Variants in OR3A2 observed in about 807,000 individuals in gnomAD.
The protein encoded by OR3A2 is olfactory receptor 3A2.
For missense variants in OR3A2, 318 were observed against 392.8 expected, an observed-to-expected ratio of 0.81 and a Z score of 1.61; for synonymous variants, 126 against 159.3, an observed-to-expected ratio of 0.79 and a Z score of 1.57.
At chr17:3,320,749 G>C (rs1195390072) in intron 3 of OR3A2, among the ~76,000 whole-genome samples, 1 of 151,886 alleles carries the variant, frequency 6.6e-6, no homozygotes, top group East Asian at 1.9e-4. Context: ...TCTCTGTTTT[G>C]GTACTAGTAC....
chr17:3,343,548 T>G (rs1453875013), intron 2 of OR3A2, among the ~76,000 whole-genome samples: 1 of 152,194 alleles, frequency 6.6e-6, no homozygotes. Flanking sequence ...GCATCCATTT[T>G]AGAAAACAGA....
intron 3 of OR3A2, among the ~76,000 whole-genome samples, chr17:3,331,321 G>T (rs931967937): frequency 1.4e-4 from 22 of 151,996 alleles, no homozygotes; most frequent in African/African-American, 5.1e-4. Context: ...TTCCAACTTG[G>T]TTCCATTCTC....
At chr17:3,280,737 C>A (rs2048772133) in intron 1 of OR3A2, among the ~76,000 whole-genome samples, 1 of 152,120 alleles carries the variant, frequency 6.6e-6, no homozygotes, top group Admixed American at 6.6e-5. Context: ...GTGATGATTG[C>A]CTGAGCTGGG....
chr17:3,285,945 TG>T (rs1462324001), upstream of OR3A2, among the ~76,000 whole-genome samples: 1 of 152,226 alleles, frequency 6.6e-6, no homozygotes, highest in Non-Finnish European at 1.5e-5. Flanking sequence ...CTCTAAGTTC[TG>T]GGGTACATGT....
chr17:3,292,074 T>C (rs111558590), intron 3 of OR3A2: 3 of 1,613,820 alleles, frequency 1.9e-6, no homozygotes, highest in Non-Finnish European at 2.5e-6. Flanking sequence ...GCCACAGAAG[T>C]TGAGCGTGGA....
chr17:3,374,107 G>A (rs1305690805), intron 2 of OR3A2, among the ~76,000 whole-genome samples: 1 of 152,176 alleles, frequency 6.6e-6, no homozygotes, highest in African/African-American at 2.4e-5. Flanking sequence ...TTTGTTCAAG[G>A]AGGCTAAAAG....
intron 3 of OR3A2, chr17:3,309,935 G>A (rs181797247): frequency 1.5e-5 from 3 of 199,230 alleles, no homozygotes; most frequent in African/African-American, 7.0e-5. Flanking sequence ...GGGATCTTGT[G>A]TACCTCAACT....
At position 3,355,244 on chromosome 17, in the gene OR3A2, T is replaced by C. The variant is rs112256083; in HGVS notation, c.-178-19118A>G. On this transcript the variant is annotated intron_variant, in intron 2 of 4. Coordinates refer to the OR3A2 transcript ENST00000573491. Reference sequence around the variant, plus strand: ...ATGGACTATCATTGAGAATGATCCATGTGCTGAGGAAAAGAATGTGTATTC... The same window carrying C: ...ATGGACTATCATTGAGAATGATCCACGTGCTGAGGAAAAGAATGTGTATTC... Among the ~76,000 whole-genome samples, 478 of 151,676 alleles carry C rather than the reference T, an allele frequency of 3.2e-3. 17 individuals carry two copies. The highest frequency in any genetic ancestry group is 9.8e-3 in the African/African-American group (404 of 41,146).
intron 3 of OR3A2, among the ~76,000 whole-genome samples, chr17:3,315,563 A>T (rs1465881311): frequency 6.6e-6 from 1 of 152,026 alleles, no homozygotes; most frequent in Non-Finnish European, 1.5e-5. Flanking sequence ...GATTTGTTGA[A>T]GTTCCCTATA....
intron 2 of OR3A2, among the ~76,000 whole-genome samples, chr17:3,376,733 A>G (rs1392676527): frequency 6.6e-6 from 1 of 152,002 alleles, no homozygotes; most frequent in African/African-American, 2.4e-5. Flanking sequence ...CAGGGCTATC[A>G]GGTCTTGCCT....
intron 2 of OR3A2, among the ~76,000 whole-genome samples, chr17:3,383,364 A>C (rs1321906111): frequency 6.6e-6 from 1 of 152,252 alleles, no homozygotes; most frequent in East Asian, 1.9e-4. Context: ...AAAGGAACTA[A>C]CATCTATTAG....
At chr17:3,309,265 A>G (rs1172681856) in intron 3 of OR3A2, among the ~76,000 whole-genome samples, 1 of 152,176 alleles carries the variant, frequency 6.6e-6, no homozygotes, top group Non-Finnish European at 1.5e-5. Flanking sequence ...AAGTGATCAT[A>G]TATGTGGGCA....
chr17:3,331,228 G>A (rs1301475689), intron 3 of OR3A2, among the ~76,000 whole-genome samples: 11 of 151,672 alleles, frequency 7.3e-5, no homozygotes, highest in Non-Finnish European at 1.6e-4. Context: ...ACTTTGTGGC[G>A]TTCTCTGTAT....
chr17:3,360,650 C>T (rs1597357954), intron 2 of OR3A2, among the ~76,000 whole-genome samples: 1 of 151,720 alleles, frequency 6.6e-6, no homozygotes, highest in Non-Finnish European at 1.5e-5. Flanking sequence ...AGCCAGTTTT[C>T]CCAGCACCAT....
At chr17:3,350,575 T>C (rs367804045) in intron 2 of OR3A2, among the ~76,000 whole-genome samples, 1 of 150,668 alleles carries the variant, frequency 6.6e-6, no homozygotes, top group South Asian at 2.1e-4. Flanking sequence ...CAGGACCAGA[T>C]GGATTCACAG....
At chr17:3,360,731 T>G (rs922039470) in intron 2 of OR3A2, among the ~76,000 whole-genome samples, 4 of 151,648 alleles carry the variant, frequency 2.6e-5, no homozygotes, top group Admixed American at 1.3e-4. Flanking sequence ...TAGTTGTAGA[T>G]GTGTGGTATT....
chr17:3,296,483 A>G (rs1178635496), intron 3 of OR3A2, among the ~76,000 whole-genome samples: 2 of 152,176 alleles, frequency 1.3e-5, no homozygotes, highest in Non-Finnish European at 2.9e-5. Context: ...CAGAGCTAAT[A>G]AACAAGTTCA....
At chr17:3,371,970 G>A (rs1203381819) in intron 2 of OR3A2, among the ~76,000 whole-genome samples, 6 of 147,130 alleles carry the variant, frequency 4.1e-5, no homozygotes, top group East Asian at 2.2e-4. Context: ...AGGCGGAGAC[G>A]CTCCTCACTT....
chr17:3,281,494 A>G (rs2048776605), intron 1 of OR3A2, among the ~76,000 whole-genome samples: 1 of 152,134 alleles, frequency 6.6e-6, no homozygotes, highest in Admixed American at 6.5e-5. Flanking sequence ...TCAGCCTCCC[A>G]AAGTGCTGGG....
Sources: allele counts gnomAD v4.1 joint callset (sites outside exome capture counted in the v4.1 genomes callset), GRCh38; gene constraint gnomAD v4.1.1; transcripts MANE v1.5; gene names NCBI Gene and HGNC (gene_info 2026-07-23, HGNC 2026-07-21).